The following FER variants were observed in gnomAD, a reference collection of about 807,000 sequenced individuals.
FER encodes FER tyrosine kinase.
Under a neutral mutation model 111.0 loss-of-function variants are expected in FER, and 63 were observed. The ratio of observed to expected loss-of-function variants is 0.57; its 90% CI spans 0.46 to 0.70. The LOEUF (loss-of-function observed/expected upper bound fraction) is 0.70. Among genes scored for constraint, FER ranks in the 30% least tolerant of loss-of-function variants. The pLI is 0.00. For missense variants in FER, 914 were observed against 954.0 expected, an observed-to-expected ratio of 0.96 and a Z score of 0.55; for synonymous variants, 327 against 313.9, an observed-to-expected ratio of 1.04 and a Z score of -0.44.
At chr5:108,895,893 G>T (rs1749016995) in intron 9 of FER, among the ~76,000 whole-genome samples, 1 of 151,904 alleles carries the variant, frequency 6.6e-6, no homozygotes, top group African/African-American at 2.4e-5. Context: ...TGTCATTTCT[G>T]ATTTCATTTT....
chr5:109,088,585 C>T (rs1160608909), intron 16 of FER, among the ~76,000 whole-genome samples: 4 of 151,894 alleles, frequency 2.6e-5, no homozygotes, highest in Admixed American at 6.6e-5. Flanking sequence ...TGCAAAGATA[C>T]AAAGATGAAA....
At chr5:108,903,507 A>G (rs933239534) in intron 10 of FER, among the ~76,000 whole-genome samples, 2 of 152,212 alleles carry the variant, frequency 1.3e-5, no homozygotes, top group African/African-American at 4.8e-5. Context: ...TCTACTAAAA[A>G]TACAAAGATT....
At chr5:109,012,896 T>G (rs1289308496) in intron 13 of FER, among the ~76,000 whole-genome samples, 1 of 152,154 alleles carries the variant, frequency 6.6e-6, no homozygotes, top group Non-Finnish European at 1.5e-5. Flanking sequence ...CTTGATAGAC[T>G]TAAAATGACA....
chr5:109,010,456 C>CT lies in FER; in HGVS notation c.1657-26960dup, dbSNP rs1338279146. Among the ~76,000 whole-genome samples the CT allele has an allele frequency of 3.9e-5, 6 of 152,140 alleles. No individual in the cohort carries two copies. In the East Asian group the frequency reaches 1.2e-3, roughly 29 times the overall value. ...ACAGCCGTGAGCCACCGTGCCCAGC[C>CT]TTTTTTATCCTTCTTTAAATGTTTT... is the stretch of plus-strand genomic sequence containing the variant. On this transcript the variant is annotated intron_variant, in intron 13 of 19. Transcript: ENST00000281092.
intron 13 of FER, among the ~76,000 whole-genome samples, chr5:108,970,767 C>A (rs73211547): frequency 0.055 from 8,360 of 152,078 alleles, 512 homozygotes; most frequent in African/African-American, 0.15. Context: ...AGAGGAGAAG[C>A]TAAACATGGG....
intron 3 of FER, among the ~76,000 whole-genome samples, chr5:108,804,699 G>C (rs561738122): frequency 9.2e-5 from 14 of 152,222 alleles, no homozygotes; most frequent in African/African-American, 3.4e-4. Context: ...GGATCATGAT[G>C]AATTAATTTT....
intron 14 of FER, among the ~76,000 whole-genome samples, chr5:109,042,529 C>T (rs975979926): frequency 2.6e-5 from 4 of 152,064 alleles, no homozygotes; most frequent in African/African-American, 7.2e-5. Flanking sequence ...CCCTGACCAC[C>T]GTTGATAAAG....
At chr5:109,155,383 T>C (rs1755255833) in intron 17 of FER, among the ~76,000 whole-genome samples, 1 of 151,810 alleles carries the variant, frequency 6.6e-6, no homozygotes, top group Non-Finnish European at 1.5e-5. Flanking sequence ...CTAGGAAGAA[T>C]AGAGCCGATA....
intron 17 of FER, among the ~76,000 whole-genome samples, chr5:109,155,669 A>G (rs1755289960): frequency 6.6e-6 from 1 of 152,044 alleles, no homozygotes; most frequent in Non-Finnish European, 1.5e-5. Context: ...GAGTGAAAAT[A>G]TAGATTCTGA....
At chr5:109,012,903 G>A (rs1455294051) in intron 13 of FER, among the ~76,000 whole-genome samples, 1 of 152,012 alleles carries the variant, frequency 6.6e-6, no homozygotes, top group Admixed American at 6.6e-5. Context: ...GACTTAAAAT[G>A]ACAAAAGCAA....
intron 13 of FER, 90 bp downstream of exon 13, chr5:108,959,437 T>TA (rs1315532142): frequency 2.1e-5 from 28 of 1,340,664 alleles, no homozygotes; most frequent in Non-Finnish European, 2.7e-5. Context: ...TCTTAGGTTA[T>TA]ATGCTAGTAG....
At chr5:108,804,855 A>G (rs1757030062) in intron 3 of FER, among the ~76,000 whole-genome samples, 1 of 151,990 alleles carries the variant, frequency 6.6e-6, no homozygotes, top group South Asian at 2.1e-4. Flanking sequence ...CTGGCTTTTT[A>G]GAATGAATTA....
intron 1 of FER, among the ~76,000 whole-genome samples, chr5:108,760,578 T>A (rs1028043467): frequency 6.6e-6 from 1 of 152,236 alleles, no homozygotes; most frequent in Non-Finnish European, 1.5e-5. Context: ...CACCACTTGC[T>A]GCTTCACCTT....
rs1348390935 is a variant in FER at position 108,832,825 on chromosome 5, A to C, written c.263A>C (p.His88Pro). ...CAACTTAGTAGGATAATGAAGACAC[A>C]TGCAGAGGACTTGAACTCTGGACCT... ...TEQLSRIMKT[H>P]AEDLNSGPLH... The change falls in exon 4 of 20, where the codon CAT becomes CCT. Residue 88 changes from histidine (H) to proline (P), a missense_variant. His to Pro is a moderately conservative substitution (Grantham distance 77). Around this residue, in one of 3 missense-constraint regions of FER, gnomAD observed 774 missense variants for 782.6 expected, o/e 0.99. Transcript: ENST00000281092. 2 of 1,605,266 alleles carry C rather than the reference A, an allele frequency of 1.2e-6. No individual in the cohort carries two copies. The highest frequency in any genetic ancestry group is 1.7e-5 in the Admixed American group (1 of 59,284).
At chr5:109,082,216 A>G (rs894773534) in intron 16 of FER, among the ~76,000 whole-genome samples, 7 of 151,960 alleles carry the variant, frequency 4.6e-5, no homozygotes, top group African/African-American at 1.2e-4. Flanking sequence ...CTCTTGCCCA[A>G]TGTGTCACAG....
chr5:108,942,155 T>A (rs1014947692), intron 10 of FER, among the ~76,000 whole-genome samples: 2 of 152,170 alleles, frequency 1.3e-5, no homozygotes, highest in Admixed American at 1.3e-4. Flanking sequence ...CCATGGAACG[T>A]GAACTGGCTA....
At chr5:108,956,250 GCGACC>G (rs1758414494) in intron 12 of FER, among the ~76,000 whole-genome samples, 1 of 151,498 alleles carries the variant, frequency 6.6e-6, no homozygotes, top group Non-Finnish European at 1.5e-5. Context: ...ATTACAATTT[GCGACC>G]ATATTGCCAA....
At position 108,946,210 on chromosome 5, in the gene FER, G is replaced by A. The variant is rs375067286; in HGVS notation, c.1317G>A (p.Leu439=). The A allele has an allele frequency of 6.2e-7, 1 of 1,610,606 alleles. No homozygotes were observed. The highest frequency in any genetic ancestry group is 1.3e-5 in the African/African-American group (1 of 74,770). The change falls in exon 11 of 20, where the codon CTG becomes CTA. Residue 439 remains leucine, a synonymous_variant. Coordinates refer to ENST00000281092, the MANE Select transcript of FER (RefSeq NM_005246.4). ...AGIIRSPKSA[L]GSSALSDMIS... ...TAATTAGGTCTCCAAAATCTGCACT[G>A]GGCTCTTCAGCAGTAAGTAGGATTA... is the stretch of plus-strand genomic sequence containing the variant.
intron 16 of FER, among the ~76,000 whole-genome samples, chr5:109,076,793 A>G (rs1327403742): frequency 6.6e-6 from 1 of 152,204 alleles, no homozygotes; most frequent in Non-Finnish European, 1.5e-5. Context: ...TAGCAATAAC[A>G]ACATATAGTA....
Sources: allele counts gnomAD v4.1 joint callset (sites outside exome capture counted in the v4.1 genomes callset), GRCh38; gene constraint gnomAD v4.1.1; regional missense constraint gnomAD v4.1.1; transcripts MANE v1.5; gene names NCBI Gene and HGNC (gene_info 2026-07-23, HGNC 2026-07-21).